EMSY: variants seen among roughly 807,000 people sequenced by gnomAD.
EMSY encodes the protein EMSY transcriptional repressor, BRCA2 interacting.
A neutral mutation model predicts 134.6 loss-of-function variants in EMSY; 26 were observed. That is an observed-to-expected ratio of 0.19 (90% CI 0.14 to 0.27). The LOEUF is 0.27. EMSY is among the 10% of genes least tolerant of loss of function. The probability of loss-of-function intolerance (pLI) is 1.00; values close to 1 mark genes in which losing one functional copy is unlikely to be tolerated. For synonymous variants in EMSY, 579 were observed against 577.8 expected, an observed-to-expected ratio of 1.00 and a Z score of -0.03; for missense variants, 1,305 against 1,611.4, an observed-to-expected ratio of 0.81 and a Z score of 3.26.
At chr11:76,471,021 T>C (rs976796552) in intron 7 of EMSY, among the ~76,000 whole-genome samples, 2 of 152,144 alleles carry the variant, frequency 1.3e-5, no homozygotes, top group African/African-American at 4.8e-5. Context: ...CATATCAATA[T>C]ACAAGCAAAT....
intron 20 of EMSY, among the ~76,000 whole-genome samples, chr11:76,548,427 T>G (rs1951729383): frequency 6.6e-6 from 1 of 152,238 alleles, no homozygotes; most frequent in Non-Finnish European, 1.5e-5. Flanking sequence ...ACTACTGTGT[T>G]CCAGGCACAG....
In EMSY at chr11:76,537,782, C is replaced by CT. The variant is rs1442758881; in HGVS notation, c.2360-7dup. 3.2e-6 allele frequency: 5 copies of CT among 1,584,350 alleles called. No individual in the cohort carries two copies. The African/African-American group carries it at 5.5e-5, about 17-fold the overall frequency. ...TAATAAAAGTTAACTTTTCCCCTGA[C>CT]TTTTTTATGCAGTAAAGGAAAAATT... On this transcript the variant is annotated splice_polypyrimidine_tract_variant and intron_variant, in intron 15 of 20. Coordinates refer to ENST00000334736, the Ensembl canonical transcript of EMSY.
At chr11:76,486,457 G>A (rs975505315) in intron 8 of EMSY, among the ~76,000 whole-genome samples, 2 of 152,144 alleles carry the variant, frequency 1.3e-5, no homozygotes, top group African/African-American at 4.8e-5. Flanking sequence ...CATGAGTGTG[G>A]ATGATTTTCA....
intron 10 of EMSY, among the ~76,000 whole-genome samples, chr11:76,513,866 A>G (rs1358124449): frequency 2.0e-5 from 3 of 152,168 alleles, no homozygotes; most frequent in East Asian, 1.9e-4. Flanking sequence ...TACCACATAT[A>G]TAGAGCTAGT....
intron 6 of EMSY, 139 bp downstream of exon 7, chr11:76,460,224 C>A: frequency 9.9e-7 from 1 of 1,009,014 alleles, no homozygotes; most frequent in Non-Finnish European, 1.5e-6. Flanking sequence ...TTAAAGAATT[C>A]CTTTCTTTAC....
At chr11:76,466,191 G>A (rs1244249550) in intron 7 of EMSY, among the ~76,000 whole-genome samples, 1 of 152,140 alleles carries the variant, frequency 6.6e-6, no homozygotes, top group African/African-American at 2.4e-5. Flanking sequence ...CCCTTAGGAT[G>A]GGGGAGAATA....
chr11:76,527,086 A>T (rs1950871012), intron 13 of EMSY, among the ~76,000 whole-genome samples: 1 of 152,198 alleles, frequency 6.6e-6, no homozygotes, highest in Non-Finnish European at 1.5e-5. Context: ...TTTAACCAAT[A>T]GAAGATAAGG....
intron 20 of EMSY, chr11:76,546,932 G>A (rs1591035153): frequency 2.9e-6 from 1 of 349,262 alleles, no homozygotes; most frequent in African/African-American, 2.2e-5. Flanking sequence ...GCCTTGGTAA[G>A]TACAGGCTAA....
At chr11:76,448,464 T>C (rs1947512990) in intron 2 of EMSY, among the ~76,000 whole-genome samples, 1 of 152,124 alleles carries the variant, frequency 6.6e-6, no homozygotes, top group African/African-American at 2.4e-5. Flanking sequence ...TTGCAGAACA[T>C]ATCACAAAGA....
chr11:76,496,372 A>G (rs781700827), exon 9 of EMSY: 155 of 1,614,050 alleles, frequency 9.6e-5, no homozygotes, highest in Non-Finnish European at 1.2e-4. Flanking sequence ...CACAGCAACA[A>G]GTGGCCCAGC....
chr11:76,452,032 T>A, intron 3 of EMSY, 75 bp downstream of exon 3: 1 of 910,206 alleles, frequency 1.1e-6, no homozygotes, highest in Non-Finnish European at 1.6e-6. Flanking sequence ...ACTCTCAAAT[T>A]AAGTAACTGT....
intron 7 of EMSY, among the ~76,000 whole-genome samples, chr11:76,469,224 T>TCCCTTG (rs1215683635): frequency 1.3e-5 from 2 of 152,216 alleles, no homozygotes; most frequent in Non-Finnish European, 2.9e-5. Context: ...TGTGAATGCT[T>TCCCTTG]CCCTTGCCCT....
At chr11:76,491,589 A>G (rs1189670538) in intron 8 of EMSY, among the ~76,000 whole-genome samples, 1 of 152,204 alleles carries the variant, frequency 6.6e-6, no homozygotes, top group Non-Finnish European at 1.5e-5. Flanking sequence ...CCTAGGCAGA[A>G]GCCCTCACCC....
At chr11:76,479,259 A>G (rs1018231724) in intron 8 of EMSY, among the ~76,000 whole-genome samples, 3 of 152,244 alleles carry the variant, frequency 2.0e-5, no homozygotes, top group South Asian at 2.1e-4. Context: ...CAAGTGGACA[A>G]TTCCACACCT....
At chr11:76,540,109 T>C (rs1951378809) in intron 17 of EMSY, among the ~76,000 whole-genome samples, 1 of 152,228 alleles carries the variant, frequency 6.6e-6, no homozygotes, top group African/African-American at 2.4e-5. Context: ...AGAATTATTT[T>C]TAAATAGACT....
exon 13 of EMSY, chr11:76,526,489 A>T: frequency 6.2e-7 from 1 of 1,613,088 alleles, no homozygotes; most frequent in Non-Finnish European, 8.5e-7. Context: ...GACAGTGCCA[A>T]CAGGAGCAAA....
intron 2 of EMSY, among the ~76,000 whole-genome samples, chr11:76,449,302 G>A (rs374591485): frequency 2.6e-5 from 4 of 152,276 alleles, no homozygotes; most frequent in Non-Finnish European, 5.9e-5. Flanking sequence ...TACAATGAGT[G>A]AATTTCTTGT....
chr11:76,458,553 G>A (rs554050286), intron 5 of EMSY, 195 bp downstream of exon 6: 8 of 496,150 alleles, frequency 1.6e-5, no homozygotes, highest in South Asian at 4.2e-5. Context: ...CCCTTTTGTC[G>A]AAGGTGTGAA....
In EMSY at chr11:76,503,321, AAAG is replaced by A. The variant is rs1353782862; in HGVS notation, c.1363+6862_1363+6864del. Among the ~76,000 whole-genome samples, 806 of 148,530 alleles carry A rather than the reference AAAG, an allele frequency of 5.4e-3. 13 individuals are homozygous for A. Among genetic ancestry groups the A allele is most frequent in the African/African-American group, 0.018 (719 of 38,926 alleles). ...GTCTCAAAAAAAAAAAAAAAAAAAA[AAAG>A]AAGAAGAAGGAGAGGACTCAAATGC... On this transcript the variant is annotated intron_variant, in intron 9 of 20. Coordinates refer to ENST00000334736, the Ensembl canonical transcript of EMSY.
Sources: allele counts gnomAD v4.1 joint callset (sites outside exome capture counted in the v4.1 genomes callset), GRCh38; gene constraint gnomAD v4.1.1; transcripts MANE v1.5; gene names NCBI Gene and HGNC (gene_info 2026-07-23, HGNC 2026-07-21).